The following SEMA5A variants were observed in gnomAD, a reference collection of about 807,000 sequenced individuals.
SEMA5A encodes the protein semaphorin 5A, also known as semaphorin-5A.
A neutral mutation model predicts 135.5 loss-of-function variants in SEMA5A; 55 were observed. The observed-to-expected ratio is 0.41, with a 90% CI of 0.33 to 0.51. The LOEUF is 0.51. Ranked by LOEUF, SEMA5A falls within the 20% of genes least tolerant of loss-of-function variation. SEMA5A has a pLI of 0.37. For missense variants in SEMA5A, 1,290 were observed against 1,419.9 expected (o/e 0.91, Z 1.47); for synonymous variants, 580 against 546.5 (o/e 1.06, Z -0.85).
chr5:9,388,723 C>T (rs1345651538), intron 2 of SEMA5A, among the ~76,000 whole-genome samples: 1 of 151,950 alleles, frequency 6.6e-6, no homozygotes, highest in African/African-American at 2.4e-5. Context: ...CACAGTGAAA[C>T]CCCATCTCTA....
intron 16 of SEMA5A, among the ~76,000 whole-genome samples, chr5:9,097,740 C>G (rs927391373): frequency 3.3e-5 from 5 of 152,146 alleles, no homozygotes; most frequent in African/African-American, 1.2e-4. Flanking sequence ...CATGGAATGT[C>G]TCCTGGAACC....
chr5:9,323,828 AT>A lies in SEMA5A; in HGVS notation c.225-5412del, dbSNP rs528443190. Among the ~76,000 whole-genome samples, 50 of 151,316 alleles carry A rather than the reference AT, an allele frequency of 3.3e-4. No individual in the cohort carries two copies. The South Asian group carries it at 9.4e-3, about 29-fold the overall frequency. On this transcript the variant is annotated intron_variant, in intron 4 of 22. Transcript: ENST00000382496. ...ACTGACATGCCACCACGCCTGACTA[AT>A]TTTTATATTTCTGGTAGAGACAGGG...
chr5:9,384,330 C>T (rs370491732), intron 2 of SEMA5A, among the ~76,000 whole-genome samples: 59 of 152,150 alleles, frequency 3.9e-4, no homozygotes, highest in African/African-American at 1.4e-3. Flanking sequence ...ACATTCATAC[C>T]AGGGCTTTTA....
intron 5 of SEMA5A, among the ~76,000 whole-genome samples, chr5:9,309,387 T>C (rs1200735382): frequency 6.6e-6 from 1 of 152,142 alleles, no homozygotes; most frequent in Non-Finnish European, 1.5e-5. Context: ...TGCTAATATC[T>C]GTCAATGTCT....
chr5:9,195,578 C>T (rs564940014), intron 10 of SEMA5A, among the ~76,000 whole-genome samples: 1 of 152,140 alleles, frequency 6.6e-6, no homozygotes, highest in East Asian at 1.9e-4. Context: ...ATCCCTTTCC[C>T]CCTTTGTTGA....
At chr5:9,410,368 A>G (rs1157487037) in intron 2 of SEMA5A, among the ~76,000 whole-genome samples, 1 of 152,162 alleles carries the variant, frequency 6.6e-6, no homozygotes, top group Non-Finnish European at 1.5e-5. Context: ...CACCTTTTGA[A>G]AGCATTTTGT....
chr5:9,477,459 T>G (rs2126769543), intron 1 of SEMA5A, among the ~76,000 whole-genome samples: 1 of 152,320 alleles, frequency 6.6e-6, no homozygotes, highest in African/African-American at 2.4e-5. Flanking sequence ...AGAGACTTGT[T>G]GAATGATTTT....
At chr5:9,222,963 T>C (rs1288705794) in intron 8 of SEMA5A, among the ~76,000 whole-genome samples, 1 of 152,258 alleles carries the variant, frequency 6.6e-6, no homozygotes, top group Non-Finnish European at 1.5e-5. Flanking sequence ...TGGCAAATGC[T>C]AATTACAAAG....
At chr5:9,121,382 A>C (rs1740805362) in intron 14 of SEMA5A, among the ~76,000 whole-genome samples, 2 of 152,216 alleles carry the variant, frequency 1.3e-5, no homozygotes, top group African/African-American at 4.8e-5. Flanking sequence ...CATTAAAACT[A>C]GTTCACTTTC....
chr5:9,332,888 C>G (rs1370504487), intron 4 of SEMA5A, among the ~76,000 whole-genome samples: 3 of 152,242 alleles, frequency 2.0e-5, no homozygotes, highest in Non-Finnish European at 2.9e-5. Flanking sequence ...AGTATTGGGT[C>G]TGTGGGCCTC....
chr5:9,245,896 A>G (rs1748455225), intron 5 of SEMA5A, among the ~76,000 whole-genome samples: 1 of 152,206 alleles, frequency 6.6e-6, no homozygotes, highest in Non-Finnish European at 1.5e-5. Flanking sequence ...GGTCAGACAG[A>G]GAAAAACAAA....
chr5:9,258,773 C>T (rs537648154), intron 5 of SEMA5A, among the ~76,000 whole-genome samples: 1 of 141,666 alleles, frequency 7.1e-6, no homozygotes, highest in South Asian at 2.3e-4. Context: ...ATAATTACTT[C>T]CACTATTATT....
chr5:9,045,449 A>C lies in SEMA5A; in HGVS notation c.2894-865T>G, dbSNP rs188327752. Among the ~76,000 whole-genome samples the C allele has an allele frequency of 1.4e-4, 22 of 152,296 alleles. No individual in the cohort carries two copies. The East Asian group carries it at 2.1e-3, about 15-fold the overall frequency. Reference sequence around the variant, plus strand: ...CATACACTTTTCATTATATTTTTTGAGTATGAATATGCACACATTAGAAAG... The same window carrying C: ...CATACACTTTTCATTATATTTTTTGCGTATGAATATGCACACATTAGAAAG... On this transcript the variant is annotated intron_variant, in intron 21 of 22. Coordinates refer to ENST00000382496, the MANE Select transcript of SEMA5A (RefSeq NM_003966.3).
chr5:9,540,069 A>C (rs1737992498), intron 1 of SEMA5A, among the ~76,000 whole-genome samples: 1 of 152,198 alleles, frequency 6.6e-6, no homozygotes, highest in Non-Finnish European at 1.5e-5. Context: ...CCTTTCTCTC[A>C]GTATACTCTA....
intron 3 of SEMA5A, among the ~76,000 whole-genome samples, chr5:9,363,106 C>T (rs1754767738): frequency 6.6e-6 from 1 of 152,168 alleles, no homozygotes; most frequent in African/African-American, 2.4e-5. Flanking sequence ...TTCATGAGAT[C>T]TTATAACCAT....
chr5:9,085,621 A>G (rs1371403132), intron 16 of SEMA5A, among the ~76,000 whole-genome samples: 1 of 152,164 alleles, frequency 6.6e-6, no homozygotes, highest in Non-Finnish European at 1.5e-5. Flanking sequence ...GAAACACATG[A>G]ATGTCCAGGC....
At chr5:9,206,385 A>G (rs1806060) in intron 8 of SEMA5A, among the ~76,000 whole-genome samples, 6 of 152,292 alleles carry the variant, frequency 3.9e-5, no homozygotes, top group Admixed American at 3.9e-4. Context: ...TTGCATATTT[A>G]CTTACATAAT....
At chr5:9,107,018 G>A (rs1043862150) in intron 16 of SEMA5A, among the ~76,000 whole-genome samples, 3 of 152,114 alleles carry the variant, frequency 2.0e-5, no homozygotes, top group African/African-American at 4.8e-5. Flanking sequence ...AGGATATCTC[G>A]GCTGTGTGGT....
chr5:9,059,341 TGAA>T (rs1194668782), intron 18 of SEMA5A, among the ~76,000 whole-genome samples: 1 of 151,938 alleles, frequency 6.6e-6, no homozygotes, highest in Non-Finnish European at 1.5e-5. Context: ...GGAAAAGGAG[TGAA>T]GAAGAAATAA....
Sources: gnomAD v4.1 joint callset for allele counts (sites outside exome capture counted in the v4.1 genomes callset) on GRCh38, gnomAD v4.1.1 for gene constraint, MANE v1.5 for transcripts, NCBI Gene and HGNC (gene_info 2026-07-23, HGNC 2026-07-21) for gene names.